The following MEF2C variants were observed in gnomAD, a reference collection of about 807,000 sequenced individuals.
MEF2C encodes myocyte enhancer factor 2C, also known as myocyte-specific enhancer factor 2C.
A neutral mutation model predicts 50.5 loss-of-function variants in MEF2C; 6 were observed. The ratio of observed to expected loss-of-function variants is 0.12; its 90% confidence interval spans 0.07 to 0.23. The LOEUF is 0.23. Among genes scored for constraint, MEF2C ranks in the 10% least tolerant of loss-of-function variants. The pLI is 1.00. For synonymous variants in MEF2C, 183 were observed against 228.0 expected (o/e 0.80, Z 1.78); for missense variants, 276 against 605.0 (o/e 0.46, Z 5.70).
At chr5:88,759,338 C>T (rs1042157628) in intron 4 of MEF2C, among the ~76,000 whole-genome samples, 3 of 152,088 alleles carry the variant, frequency 2.0e-5, no homozygotes, top group Non-Finnish European at 2.9e-5. Flanking sequence ...CAAAATTAGC[C>T]GGGAGTGGTG....
chr5:88,762,643 TTA>T, intron 3 of MEF2C, among the ~76,000 whole-genome samples: 2 of 152,154 alleles, frequency 1.3e-5, no homozygotes, highest in Non-Finnish European at 2.9e-5. Context: ...AGAGATAATG[TTA>T]TGTTTTTAGA....
intron 2 of MEF2C, among the ~76,000 whole-genome samples, chr5:88,821,770 C>T (rs557714136): frequency 4.3e-4 from 65 of 151,362 alleles, no homozygotes; most frequent in Middle Eastern, 3.4e-3. Context: ...GGTAGCTGGG[C>T]ATGGAGTGGG....
chr5:88,739,642 G>T (rs1316677827), intron 6 of MEF2C: 2 of 985,144 alleles, frequency 2.0e-6, no homozygotes, highest in Non-Finnish European at 2.4e-6. Context: ...CTAGACTGCA[G>T]TCCTAGCCTG....
chr5:88,799,520 C>T (rs1375630262), intron 3 of MEF2C, among the ~76,000 whole-genome samples: 7 of 152,176 alleles, frequency 4.6e-5, no homozygotes, highest in East Asian at 1.9e-4. Flanking sequence ...AGTCCAATTT[C>T]GCTATTTGCT....
At chr5:88,842,522 T>G (rs1817750049) in intron 1 of MEF2C, among the ~76,000 whole-genome samples, 2 of 150,886 alleles carry the variant, frequency 1.3e-5, no homozygotes, top group Admixed American at 1.3e-4. Context: ...ACAGTGCCAT[T>G]ACAAACGTCA....
chr5:88,882,265 T>C (rs1287546964), intron 1 of MEF2C, among the ~76,000 whole-genome samples: 1 of 152,238 alleles, frequency 6.6e-6, no homozygotes, highest in Non-Finnish European at 1.5e-5. Context: ...TAACCTTGCT[T>C]GCTTTTAAAC....
At chr5:88,743,455 G>C (rs908662660) in intron 6 of MEF2C, 2 of 985,164 alleles carry the variant, frequency 2.0e-6, no homozygotes, top group African/African-American at 3.5e-5. Context: ...ATTAAGCATT[G>C]TCTGACCTTT....
intron 1 of MEF2C, among the ~76,000 whole-genome samples, chr5:88,864,678 A>G (rs1165190249): frequency 2.1e-4 from 32 of 152,068 alleles, no homozygotes; most frequent in Admixed American, 2.1e-3. Flanking sequence ...CACAGCCTTG[A>G]AGTCCTGGCT....
chr5:88,823,328 G>T (rs1033691327), intron 2 of MEF2C, among the ~76,000 whole-genome samples: 1 of 151,810 alleles, frequency 6.6e-6, no homozygotes, highest in African/African-American at 2.4e-5. Flanking sequence ...TTTCATACAG[G>T]ATATTTATCC....
In MEF2C at chr5:88,742,886, T is replaced by A. The variant is rs1013194667; in HGVS notation, c.637+6184A>T. 12 of 984,768 alleles carry A rather than the reference T, an allele frequency of 1.2e-5. No homozygotes were observed. The Admixed American group carries it at 4.3e-4, about 35-fold the overall frequency. 61.0% of individuals were successfully genotyped at this position (984,768 alleles called of 1,614,324 possible). A position where few individuals can be genotyped will look rare whatever the true frequency, so the allele number is the denominator to read the frequency against. On this transcript the variant is annotated intron_variant, in intron 6 of 10. Transcript: ENST00000504921. ...TGCTGTAGCTATCTAATTTGAGGAC[T>A]AGGTTTTTTTTTTTCTTTAATCTTG... is the stretch of plus-strand genomic sequence containing the variant.
chr5:88,725,904 A>T (rs982979123), intron 10 of MEF2C, among the ~76,000 whole-genome samples: 6 of 152,170 alleles, frequency 3.9e-5, no homozygotes, highest in Non-Finnish European at 7.4e-5. Context: ...GTGGTGGTTT[A>T]GAAAAACACT....
chr5:88,788,220 T>A (rs1791980624), intron 3 of MEF2C, among the ~76,000 whole-genome samples: 1 of 144,940 alleles, frequency 6.9e-6, no homozygotes. Context: ...AGAGACTGTG[T>A]CTCGCTCTGT....
chr5:88,818,313 T>C (rs886989726), intron 2 of MEF2C, among the ~76,000 whole-genome samples: 3 of 151,998 alleles, frequency 2.0e-5, no homozygotes, highest in Non-Finnish European at 4.4e-5. Context: ...TTGAACTTTT[T>C]AAACCTTTGC....
At chr5:88,756,900 G>A (rs1194993224) in intron 4 of MEF2C, among the ~76,000 whole-genome samples, 1 of 151,830 alleles carries the variant, frequency 6.6e-6, no homozygotes, top group Admixed American at 6.6e-5. Flanking sequence ...TAGGAAGAAA[G>A]AGAGAATTTG....
intron 1 of MEF2C, among the ~76,000 whole-genome samples, chr5:88,870,390 A>C (rs1829141011): frequency 6.6e-6 from 1 of 152,078 alleles, no homozygotes; most frequent in South Asian, 2.1e-4. Context: ...AAAACCTGTA[A>C]AAGTGACTAT....
chr5:88,871,801 TC>T (rs1829592355), intron 1 of MEF2C, among the ~76,000 whole-genome samples: 1 of 152,120 alleles, frequency 6.6e-6, no homozygotes, highest in Non-Finnish European at 1.5e-5. Context: ...TATGTTTTTT[TC>T]TTACATAAAT....
In MEF2C at chr5:88,829,676, G is replaced by A. The variant is rs201247616; in HGVS notation, c.-142-5746C>T. Among the ~76,000 whole-genome samples the A allele has an allele frequency of 2.5e-3, 377 of 152,140 alleles. 2 individuals carry two copies. Among genetic ancestry groups the A allele is most frequent in the African/African-American group, 8.7e-3 (363 of 41,534 alleles). ...CTTAATACTTCGCCATATTTACATA[G>A]CATCTCCTATGTGGAATTAGAATAA... On this transcript the variant is annotated intron_variant, in intron 1 of 10. Coordinates refer to ENST00000504921, the MANE Select transcript of MEF2C (RefSeq NM_002397.5).
chr5:88,804,479 C>G, intron 3 of MEF2C, 119 bp downstream of exon 3: 2 of 849,590 alleles, frequency 2.4e-6, no homozygotes, highest in Non-Finnish European at 1.9e-6. Context: ...CTGGGTCTAT[C>G]TATGGGACTA....
chr5:88,743,037 C>T (rs908551605), intron 6 of MEF2C: 16 of 972,154 alleles, frequency 1.6e-5, no homozygotes, highest in Non-Finnish European at 2.0e-5. Context: ...CCAATGAATT[C>T]AGAATTTTTA....
Sources: allele counts gnomAD v4.1 joint callset (sites outside exome capture counted in the v4.1 genomes callset), GRCh38; gene constraint gnomAD v4.1.1; transcripts MANE v1.5; gene names NCBI Gene and HGNC (gene_info 2026-07-23, HGNC 2026-07-21).